Variants in LARGE1 observed in about 807,000 individuals in gnomAD.
The protein encoded by LARGE1 is xylosyl- and glucuronyltransferase LARGE1.
LARGE1 carries 43 observed loss-of-function variants against 87.6 expected under a neutral mutation model. That is an observed-to-expected ratio of 0.49 (90% CI 0.38 to 0.63). The LOEUF (loss-of-function observed/expected upper bound fraction) is 0.63. Among genes scored for constraint, LARGE1 ranks in the 30% least tolerant of loss-of-function variants. The pLI, the probability that LARGE1 is intolerant of heterozygous loss-of-function variation, is 0.00. For synonymous variants in LARGE1, 434 were observed against 394.6 expected (o/e 1.10, Z -1.18); for missense variants, 802 against 1,000.2 (o/e 0.80, Z 2.67).
At chr22:33,786,938 T>C (rs2085663937) in intron 1 of LARGE1, among the ~76,000 whole-genome samples, 1 of 148,028 alleles carries the variant, frequency 6.8e-6, no homozygotes, top group South Asian at 2.1e-4. Flanking sequence ...GGAGAATCAC[T>C]GGAACCCGGG....
At chr22:33,224,196 G>A (rs762880643) in intron 11 of LARGE1, among the ~76,000 whole-genome samples, 10 of 152,036 alleles carry the variant, frequency 6.6e-5, no homozygotes, top group Non-Finnish European at 1.5e-4. Context: ...AACCTGGGAG[G>A]CAGAGCTTGC....
chr22:33,280,337 GAGAA>G (rs970041902), intron 13 of LARGE1, among the ~76,000 whole-genome samples: 17 of 127,414 alleles, frequency 1.3e-4, no homozygotes, highest in African/African-American at 4.9e-4. Flanking sequence ...AAAAAAAAAA[GAGAA>G]AGAGAAAATT....
At chr22:33,132,268 C>T in the LARGE1 span, among the ~76,000 whole-genome samples, 1 of 152,086 alleles carries the variant, frequency 6.6e-6, no homozygotes, top group African/African-American at 2.4e-5. Context: ...ATTGCAGCCT[C>T]GACCTTTCTG....
At chr22:33,593,926 G>C (rs970586855) in intron 5 of LARGE1, among the ~76,000 whole-genome samples, 19 of 152,132 alleles carry the variant, frequency 1.2e-4, no homozygotes, top group African/African-American at 4.3e-4. Flanking sequence ...CAAAATTCAT[G>C]TTTTGGTTCC....
At chr22:33,499,171 C>T (rs1178115111) in intron 6 of LARGE1, among the ~76,000 whole-genome samples, 1 of 152,130 alleles carries the variant, frequency 6.6e-6, no homozygotes, top group Non-Finnish European at 1.5e-5. Context: ...AGGGTGGACT[C>T]TAGGGTCAGA....
chr22:33,881,114 G>A (rs994233787), intron 1 of LARGE1, among the ~76,000 whole-genome samples: 12 of 151,802 alleles, frequency 7.9e-5, no homozygotes, highest in African/African-American at 2.9e-4. Flanking sequence ...AAAACGCGAC[G>A]ACATTCTCTG....
intron 10 of LARGE1, among the ~76,000 whole-genome samples, chr22:33,337,262 C>T (rs1938572463): frequency 6.6e-6 from 1 of 152,054 alleles, no homozygotes; most frequent in African/African-American, 2.4e-5. Flanking sequence ...TTTTGTGTTT[C>T]CCCATGCACT....
At chr22:33,811,669 C>G (rs1276222445) in intron 1 of LARGE1, among the ~76,000 whole-genome samples, 1 of 152,188 alleles carries the variant, frequency 6.6e-6, no homozygotes, top group African/African-American at 2.4e-5. Flanking sequence ...CAGAGCCCAA[C>G]TGGGAACAGC....
At chr22:33,684,681 G>A (rs554442345) in intron 2 of LARGE1, among the ~76,000 whole-genome samples, 22 of 152,030 alleles carry the variant, frequency 1.4e-4, no homozygotes, top group African/African-American at 4.3e-4. Flanking sequence ...GAAAAATATC[G>A]CCAAGCCAGC....
At chr22:33,278,429 C>T (rs1189484649) in intron 13 of LARGE1, among the ~76,000 whole-genome samples, 1 of 152,102 alleles carries the variant, frequency 6.6e-6, no homozygotes, top group Non-Finnish European at 1.5e-5. Flanking sequence ...TTTCAAGCTG[C>T]TATGTTTGTG....
intron 11 of LARGE1, among the ~76,000 whole-genome samples, chr22:33,180,984 T>C (rs898597648): frequency 2.6e-5 from 4 of 152,166 alleles, no homozygotes; most frequent in African/African-American, 9.7e-5. Flanking sequence ...GGTTCTAAAA[T>C]TAGACTGTGG....
chr22:33,240,851 G>C (rs186897524), intron 11 of LARGE1, among the ~76,000 whole-genome samples: 2 of 152,154 alleles, frequency 1.3e-5, no homozygotes, highest in Admixed American at 1.3e-4. Context: ...GTCTGTGTCT[G>C]AGCCCCTTAT....
intron 2 of LARGE1, among the ~76,000 whole-genome samples, chr22:33,737,342 T>C (rs2083691866): frequency 6.6e-6 from 1 of 152,158 alleles, no homozygotes. Context: ...GGATGCAAAA[T>C]TGAATAAGAC....
chr22:33,076,578 C>G, the LARGE1 span, among the ~76,000 whole-genome samples: 1 of 152,262 alleles, frequency 6.6e-6, no homozygotes, highest in South Asian at 2.1e-4. Context: ...ATTTTTCCTG[C>G]TGTCCGTGGT....
intron 11 of LARGE1, among the ~76,000 whole-genome samples, chr22:33,181,099 A>G (rs773363309): frequency 1.3e-5 from 2 of 152,226 alleles, no homozygotes; most frequent in East Asian, 3.8e-4. Context: ...CTGCTTAAAG[A>G]CCCATGAGTC....
At chr22:33,413,972 G>C (rs2066399981) in intron 7 of LARGE1, among the ~76,000 whole-genome samples, 1 of 152,032 alleles carries the variant, frequency 6.6e-6, no homozygotes, top group African/African-American at 2.4e-5. Context: ...ACAATATCTT[G>C]CCTATTGTGA....
intron 6 of LARGE1, among the ~76,000 whole-genome samples, chr22:33,504,761 G>A (rs536422623): frequency 6.6e-6 from 1 of 152,218 alleles, no homozygotes; most frequent in African/African-American, 2.4e-5. Context: ...TATTTCATAG[G>A]AAGCATTAGT....
chr22:33,709,042 T>A (rs984081242), intron 2 of LARGE1, among the ~76,000 whole-genome samples: 4 of 152,164 alleles, frequency 2.6e-5, no homozygotes, highest in Admixed American at 6.5e-5. Context: ...GGGCCTACCA[T>A]AATGACCTCA....
intron 6 of LARGE1, among the ~76,000 whole-genome samples, chr22:33,456,232 A>G (rs1177833251): frequency 1.3e-5 from 2 of 152,214 alleles, no homozygotes; most frequent in Non-Finnish European, 2.9e-5. Flanking sequence ...CTGATGGTCC[A>G]GGATTCTGTG....
Sources: allele counts gnomAD v4.1 joint callset (sites outside exome capture counted in the v4.1 genomes callset), GRCh38; gene constraint gnomAD v4.1.1; transcripts MANE v1.5; gene names NCBI Gene and HGNC (gene_info 2026-07-23, HGNC 2026-07-21).